The following RBM3 variants were observed in gnomAD, a reference collection of about 807,000 sequenced individuals.
The protein encoded by RBM3 is RNA-binding protein 3.
In RBM3, 3 loss-of-function variants were observed where a neutral mutation model predicts 12.0. That is an observed-to-expected ratio of 0.25 (90% confidence interval 0.11 to 0.65). The LOEUF is 0.65. RBM3 is among the 30% of genes least tolerant of loss of function. RBM3 has a pLI of 0.84. For missense variants in RBM3, 108 were observed against 134.5 expected (o/e 0.80, Z 0.97); for synonymous variants, 58 against 45.7 (o/e 1.27, Z -1.08).
rs782034464 is a variant in RBM3, at chrX:48,580,406, G to GT, written c.*2972dup. ...AGGGGTTAGGAGTGTTTTTTTGTTG[G>GT]TTTTTTTCCAGACAGGGTCTCACTC... is the stretch of plus-strand genomic sequence containing the variant. On this transcript the variant is annotated 3_prime_UTR_variant, in exon 7 of 7. Transcript: ENST00000376759. Among the ~76,000 whole-genome samples, 13 of 110,596 alleles carry GT rather than the reference G, an allele frequency of 1.2e-4. No homozygotes were observed. The highest frequency in any genetic ancestry group is 3.8e-4 in the South Asian group (1 of 2,631).
rs2062080190 is a variant in RBM3 at position 48,576,414 on chromosome X, CTAGAG to C, written c.312_316del (p.Arg105TrpfsTer13). On this transcript the variant is annotated frameshift_variant and splice_region_variant, in exon 4 of 7. Transcript: ENST00000376759. LOFTEE classifies it high-confidence loss of function. ...GCCCATGGGCGTGGTCGCAGCTACT[CTAGAG>C]GTGAGTGCAGTGATCGTTTTGATCA... The C allele has an allele frequency of 8.3e-7, 1 of 1,207,851 alleles. No homozygotes were observed.
At chrX:48,575,118 C>T (rs1451527904) in intron 1 of RBM3, 50 bp from the exon 2 acceptor site, 11 of 921,515 alleles carry the variant, frequency 1.2e-5, no homozygotes, top group South Asian at 2.1e-5. Flanking sequence ...TTTCTCACAT[C>T]TCCATTTTCT....
At chrX:48,576,083 T>C in intron 3 of RBM3, 1 of 1,132,926 alleles carries the variant, frequency 8.8e-7, no homozygotes, top group Non-Finnish European at 1.2e-6. Context: ...TCAGTCAAGA[T>C]GTAAGTAGTA....
At position 48,577,017 on chromosome X, in the gene RBM3, C is replaced by A. The variant is rs926153; in HGVS notation, c.414-9C>A. 8.3e-7 allele frequency: 1 copy of A among 1,200,365 alleles called. No homozygotes were observed. Among genetic ancestry groups the A allele is most frequent in the Admixed American group, 2.3e-5 (1 of 44,388 alleles). On this transcript the variant is annotated splice_polypyrimidine_tract_variant and intron_variant, in intron 5 of 6. Transcript: ENST00000376759. ...CAGAAAACTTTTGTGTGTTTTTTTT[C>A]CCCCCCAGAAACCAGGGTGGTTATG...
At chrX:48,575,967 G>A in intron 3 of RBM3, 1 of 668,800 alleles carries the variant, frequency 1.5e-6, no homozygotes, top group Non-Finnish European at 2.2e-6. Flanking sequence ...AGAGGACCTC[G>A]TGAGTCTTCT....
Position 48,576,620 on chromosome X carries a change from G to T in RBM3, c.413+16G>T, listed in dbSNP as rs1556989340. 1 of 1,165,705 alleles carries T rather than the reference G, an allele frequency of 8.6e-7. No individual in the cohort carries two copies. The highest frequency in any genetic ancestry group is 1.1e-6 in the Non-Finnish European group (1 of 872,452). ...ATAATGGCAGGTGGGTAGCCAAAGG[G>T]CTGGGATGTTCTCCTATTGCTTCCC... On this transcript the variant is annotated intron_variant, in intron 5 of 6. Transcript: ENST00000376759.
chrX:48,576,205 G>T (rs1556989161), intron 3 of RBM3, 109 bp from the exon 4 acceptor site: 4 of 1,167,829 alleles, frequency 3.4e-6, no homozygotes, highest in Non-Finnish European at 4.6e-6. Context: ...AGAACCTGGT[G>T]CCCAGCAGGA....
In RBM3 at chrX:48,576,529, G is replaced by A; in HGVS notation, c.338G>A (p.Gly113Glu). 1 of 1,191,516 alleles carries A rather than the reference G, an allele frequency of 8.4e-7. No homozygotes were observed. Residue 113 changes from glycine (G) to glutamate (E), a missense_variant, in exon 5 of 7, where the codon GGG (glycine) becomes GAG (glutamate). Coordinates refer to ENST00000376759, the MANE Select transcript of RBM3 (RefSeq NM_006743.5). Reference sequence around the variant, plus strand: ...CTAGGTGGTGGGGACCAGGGCTATGGGAGTGGCAGGTATTATGACAGTCGA... The same window carrying A: ...CTAGGTGGTGGGGACCAGGGCTATGAGAGTGGCAGGTATTATGACAGTCGA... ...YSRGGGDQGY[G>E]SGRYYDSRPG...
At chrX:48,576,452 A>G (rs200113270) in intron 4 of RBM3, 33 bp downstream of exon 4, 1 of 1,200,070 alleles carries the variant, frequency 8.3e-7, no homozygotes, top group Non-Finnish European at 1.1e-6. Flanking sequence ...TCATGGGGTG[A>G]GAGGGAGAGT....
At chrX:48,575,954 C>G (rs897655693) in intron 3 of RBM3, 20 of 615,796 alleles carry the variant, frequency 3.2e-5, no homozygotes, top group Non-Finnish European at 4.6e-5. Flanking sequence ...GGGCCTGGCC[C>G]GGAGAGGACC....
In RBM3 at chrX:48,575,546, C is replaced by T. The variant is rs782325420; in HGVS notation, c.104-15C>T. ...TGACTGGTCCACATTGCTCCATCTT[C>T]TCTCCCTCTCACAGTGGTCGTTGTC... On this transcript the variant is annotated splice_polypyrimidine_tract_variant and intron_variant, in intron 2 of 6. Coordinates refer to ENST00000376759, the MANE Select transcript of RBM3 (RefSeq NM_006743.5). 17 of 1,193,474 alleles carry T rather than the reference C, an allele frequency of 1.4e-5. No individual in the cohort carries two copies. In the African/African-American group the frequency reaches 2.6e-4, roughly 19 times the overall value.
chrX:48,581,071 G>GTT lies in RBM3; in HGVS notation c.*3630_*3631insTT, dbSNP rs1364650644. ...TAGAGGAAGTGCCCTGGATCTGGGG[G>GTT]CGGGGGGGGGCGGGGGGAATGGGTC... On this transcript the variant is annotated 3_prime_UTR_variant, in exon 7 of 7. Transcript: ENST00000376759. 1.0e-5 allele frequency: 1 copy of GTT among 98,726 alleles called. No individual in the cohort carries two copies. Among genetic ancestry groups the GTT allele is most frequent in the African/African-American group, 4.3e-5 (1 of 23,334 alleles). The allele number at this position is 98,726 out of a possible 1,213,427, so 8.1% of individuals were successfully genotyped here.
Position 48,575,219 on chromosome X carries a change from C to G in RBM3, c.39C>G (p.Leu13=). The G allele has an allele frequency of 8.3e-7, 1 of 1,210,494 alleles. No homozygotes were observed. Among genetic ancestry groups the G allele is most frequent in the Non-Finnish European group, 1.1e-6 (1 of 895,010 alleles). Residue 13 remains leucine (L), a synonymous_variant, in exon 2 of 7, where the codon CTC becomes CTG. Transcript: ENST00000376759. ...SEEGKLFVGG[L]NFNTDEQALE... ...AAGGAAAGCTCTTCGTGGGAGGGCT[C>G]AACTTTAACACCGACGAGCAGGCAC... is the stretch of plus-strand genomic sequence containing the variant.
chrX:48,578,718 C>T lies in RBM3; in HGVS notation c.*1277C>T, dbSNP rs367877894. On this transcript the variant is annotated 3_prime_UTR_variant, in exon 7 of 7. Transcript: ENST00000376759. ...CCTTAACTGGTCTCTTATCTTAGTC[C>T]CATTGTTCTGAGAACATAAGCACCT... is the stretch of plus-strand genomic sequence containing the variant. 8.9e-6 allele frequency: 1 copy of T among 111,851 alleles called. No individual in the cohort carries two copies. Among genetic ancestry groups the T allele is most frequent in the Non-Finnish European group, 1.9e-5 (1 of 53,183 alleles). The allele number at this position is 111,851 out of a possible 1,213,427, so 9.2% of individuals were successfully genotyped here.
chrX:48,576,579 G>A lies in RBM3; in HGVS notation c.388G>A (p.Gly130Arg). 1 of 1,178,008 alleles carries A rather than the reference G, an allele frequency of 8.5e-7. No individual in the cohort carries two copies. Among genetic ancestry groups the A allele is most frequent in the Non-Finnish European group, 1.1e-6 (1 of 878,148 alleles). The change falls in exon 5 of 7, where the codon GGA (glycine) becomes AGA (arginine). Residue 130 changes from glycine (G) to arginine (R), a missense_variant. Coordinates refer to ENST00000376759, the MANE Select transcript of RBM3 (RefSeq NM_006743.5). ...SRPGGYGYGY[G>R]RSRDYNGRNQ... Reference sequence around the variant, plus strand: ...ACCTGGAGGGTATGGATATGGATATGGACGTTCCAGAGACTATAATGGCAG... The same window carrying A: ...ACCTGGAGGGTATGGATATGGATATAGACGTTCCAGAGACTATAATGGCAG...
chrX:48,575,184 T>G lies in RBM3; in HGVS notation c.4T>G (p.Ser2Ala). ...TTCCCACAGGACTTGAACTGCCATGTCCTCTGAAGAAGGAAAGCTCTTCGT... is the reference window on the plus strand; with the variant it reads ...TTCCCACAGGACTTGAACTGCCATGGCCTCTGAAGAAGGAAAGCTCTTCGT... M[S>A]SEEGKLFVGG... The change falls in exon 2 of 7, where the codon TCC becomes GCC. Residue 2 changes from serine to alanine, a missense_variant. This residue lies in a region of RBM3 where 43 missense variants were observed against 79.6 expected (regional missense o/e 0.54). Transcript: ENST00000376759. 10 of 1,205,900 alleles carry G rather than the reference T, an allele frequency of 8.3e-6. No homozygotes were observed. Among genetic ancestry groups the G allele is most frequent in the Non-Finnish European group, 1.1e-5 (10 of 891,378 alleles).
chrX:48,575,258 C>T lies in RBM3; in HGVS notation c.78C>T (p.Phe26=), dbSNP rs1556988970. The change falls in exon 2 of 7, where the codon TTC becomes TTT. Residue 26 remains phenylalanine, a synonymous_variant. Transcript: ENST00000376759. ...NTDEQALEDH[F]SSFGPISEVV... is the part of the protein sequence containing the mutation. Reference sequence around the variant, plus strand: ...ACGAGCAGGCACTGGAAGACCACTTCAGCAGTTTCGGACCTATCTCTGAGG... The same window carrying T: ...ACGAGCAGGCACTGGAAGACCACTTTAGCAGTTTCGGACCTATCTCTGAGG... 2 of 1,209,178 alleles carry T rather than the reference C, an allele frequency of 1.7e-6. No homozygotes were observed. The highest frequency in any genetic ancestry group is 2.2e-6 in the Non-Finnish European group (2 of 894,007).
chrX:48,575,517 G>A lies in RBM3; in HGVS notation c.104-44G>A, dbSNP rs41305379. 7.8e-3 allele frequency: 8,706 copies of A among 1,113,234 alleles called. 37 individuals are homozygous for A. The highest frequency in any genetic ancestry group is 9.3e-3 in the Non-Finnish European group (7,602 of 815,909). 91.7% of individuals were successfully genotyped at this position (1,113,234 alleles called of 1,213,427 possible). ...CACCCTTTGCTACTTAACCTTTGGG[G>A]TACTGACTGGTCCACATTGCTCCAT... On this transcript the variant is annotated intron_variant, in intron 2 of 6. Coordinates refer to ENST00000376759, the MANE Select transcript of RBM3 (RefSeq NM_006743.5).
At position 48,577,687 on chromosome X, in the gene RBM3, G is replaced by T; in HGVS notation, c.*246G>T. On this transcript the variant is annotated 3_prime_UTR_variant, in exon 7 of 7. Transcript: ENST00000376759. ...ATTATGGGACGTTTGTAGAACCTGA[G>T]TATTTTTCTTTTTACCAGTTTTTTA... 1 of 211,295 alleles carries T rather than the reference G, an allele frequency of 4.7e-6. No homozygotes were observed. The highest frequency in any genetic ancestry group is 8.4e-6 in the Non-Finnish European group (1 of 119,228). 17.4% of individuals were successfully genotyped at this position (211,295 alleles called of 1,213,427 possible).
Sources: allele counts gnomAD v4.1 joint callset (sites outside exome capture counted in the v4.1 genomes callset), GRCh38; gene constraint gnomAD v4.1.1; regional missense constraint gnomAD v4.1.1; transcripts MANE v1.5; gene names NCBI Gene and HGNC (gene_info 2026-07-23, HGNC 2026-07-21).